The following TFAP2B variants were observed in gnomAD, a reference collection of about 807,000 sequenced individuals.
The protein encoded by TFAP2B is transcription factor AP-2 beta.
A neutral mutation model predicts 44.3 loss-of-function variants in TFAP2B; 9 were observed. The ratio of observed to expected loss-of-function variants is 0.20; its 90% CI spans 0.12 to 0.35. The LOEUF (loss-of-function observed/expected upper bound fraction) is 0.35. Ranked by LOEUF, TFAP2B falls within the 10% of genes least tolerant of loss-of-function variation. The pLI, the probability that TFAP2B is intolerant of heterozygous loss-of-function variation, is 1.00. For synonymous variants in TFAP2B, 270 were observed against 263.8 expected (o/e 1.02, Z -0.23); for missense variants, 509 against 600.0 (o/e 0.85, Z 1.59).
At chr6:50,834,744 A>T (rs1762585583) in intron 3 of TFAP2B, among the ~76,000 whole-genome samples, 1 of 152,204 alleles carries the variant, frequency 6.6e-6, no homozygotes, top group Non-Finnish European at 1.5e-5. Flanking sequence ...TTACAAAGTG[A>T]GATAGACTTT....
In TFAP2B at chr6:50,845,385, T is replaced by C. The variant is rs1254120698; in HGVS notation, c.*1993T>C. 6.6e-6 allele frequency: 1 copy of C among 152,030 alleles called. No individual in the cohort carries two copies. The highest frequency in any genetic ancestry group is 1.5e-5 in the Non-Finnish European group (1 of 68,028). 9.4% of individuals were successfully genotyped at this position (152,030 alleles called of 1,614,324 possible). A position where few individuals can be genotyped will look rare whatever the true frequency, so the allele number is the denominator to read the frequency against. On this transcript the variant is annotated 3_prime_UTR_variant, in exon 7 of 7. Coordinates refer to ENST00000393655, the MANE Select transcript of TFAP2B (RefSeq NM_003221.4). ...CTGCTGAGAGCTTTGCCCATTTTTATTAAAAGAGGAAAGGGAAGTTAGGAA... is the reference window on the plus strand; with the variant it reads ...CTGCTGAGAGCTTTGCCCATTTTTACTAAAAGAGGAAAGGGAAGTTAGGAA...
chr6:50,831,466 G>A (rs562812197), intron 3 of TFAP2B, among the ~76,000 whole-genome samples: 11 of 152,238 alleles, frequency 7.2e-5, no homozygotes, highest in African/African-American at 2.6e-4. Context: ...GTGGGCGGGG[G>A]GAGTAATGAA....
chr6:50,836,509 C>G (rs1484794660), intron 4 of TFAP2B, among the ~76,000 whole-genome samples: 1 of 152,172 alleles, frequency 6.6e-6, no homozygotes, highest in Admixed American at 6.5e-5. Flanking sequence ...CCAGGCCTGC[C>G]CGCGCCGCGC....
At chr6:50,842,944 G>T in intron 6 of TFAP2B, 148 bp from the exon 7 acceptor site, 1 of 1,128,884 alleles carries the variant, frequency 8.9e-7, no homozygotes, top group Non-Finnish European at 1.3e-6. Context: ...AAGGGAGGGC[G>T]CTGGGAAAGG....
At chr6:50,825,139 A>AT (rs1250531002) in intron 2 of TFAP2B, among the ~76,000 whole-genome samples, 2 of 152,126 alleles carry the variant, frequency 1.3e-5, no homozygotes, top group Admixed American at 6.5e-5. Context: ...TCAGTTATTT[A>AT]TTTTTTTAAA....
intron 5 of TFAP2B, among the ~76,000 whole-genome samples, chr6:50,838,336 G>C (rs547066926): frequency 6.6e-6 from 1 of 152,302 alleles, no homozygotes; most frequent in East Asian, 1.9e-4. Flanking sequence ...CTCAGGTCCA[G>C]CCTCCAAGAC....
Position 50,823,635 on chromosome 6 carries a change from C to T in TFAP2B, c.310C>T (p.His104Tyr). The T allele has an allele frequency of 6.2e-7, 1 of 1,614,144 alleles. No homozygotes were observed. Among genetic ancestry groups the T allele is most frequent in the Non-Finnish European group, 8.5e-7 (1 of 1,179,982 alleles). The part of the protein sequence containing the change: ...SLNPLHQPQQ[H>Y]PWGQRQRQEV... The stretch of plus-strand genomic sequence containing the variant: ...GAACCCACTGCACCAGCCCCAGCAA[C>T]ATCCCTGGGGGCAACGGCAGCGGCA... The change falls in exon 2 of 7, where the codon CAT (histidine) becomes TAT (tyrosine). Residue 104 changes from histidine (H) to tyrosine (Y), a missense_variant. Coordinates refer to ENST00000393655, the MANE Select transcript of TFAP2B (RefSeq NM_003221.4).
Position 50,818,920 on chromosome 6 carries a change from C to A in TFAP2B, c.29C>A (p.Ala10Asp), listed in dbSNP as rs147456896. Residue 10 changes from alanine (A) to aspartate (D), a missense_variant, in exon 1 of 7, where the codon GCC (alanine) becomes GAC (aspartate). This residue lies in a region of TFAP2B where 296 missense variants were observed against 308.2 expected (regional missense o/e 0.96). Transcript: ENST00000393655. Reference sequence around the variant, plus strand: ...CACTCACCTCCTAGAGACCAGGCTGCCATCATGCTCTGGAAGCTTGTGGAG... The same window carrying A: ...CACTCACCTCCTAGAGACCAGGCTGACATCATGCTCTGGAAGCTTGTGGAG... Reference protein sequence around the residue: MHSPPRDQAAIMLWKLVENV... With the variant: MHSPPRDQADIMLWKLVENV... The A allele has an allele frequency of 1.9e-6, 3 of 1,614,066 alleles. No individual in the cohort carries two copies. The highest frequency in any genetic ancestry group is 2.5e-6 in the Non-Finnish European group (3 of 1,180,002).
At chr6:50,824,298 C>G (rs1770443650) in intron 2 of TFAP2B, among the ~76,000 whole-genome samples, 1 of 152,166 alleles carries the variant, frequency 6.6e-6, no homozygotes, top group Non-Finnish European at 1.5e-5. Flanking sequence ...ACCTGGCTGC[C>G]TAGAGGCTAG....
chr6:50,841,966 G>T (rs1762742063), intron 6 of TFAP2B, among the ~76,000 whole-genome samples: 1 of 152,232 alleles, frequency 6.6e-6, no homozygotes, highest in Admixed American at 6.5e-5. Flanking sequence ...AGCACCCTAG[G>T]AAAGGATGCC....
chr6:50,826,513 T>C (rs919396617), intron 2 of TFAP2B, among the ~76,000 whole-genome samples: 3 of 152,036 alleles, frequency 2.0e-5, no homozygotes, highest in Non-Finnish European at 4.4e-5. Flanking sequence ...GCTATTAAAC[T>C]AGCAAATCGC....
intron 4 of TFAP2B, among the ~76,000 whole-genome samples, chr6:50,837,129 A>G (rs907958430): frequency 1.1e-4 from 16 of 152,190 alleles, no homozygotes; most frequent in Non-Finnish European, 2.1e-4. Context: ...TTCTTTCCTA[A>G]AAGTGACTGT....
Position 50,843,558 on chromosome 6 carries a change from A to G in TFAP2B, c.*166A>G. On this transcript the variant is annotated 3_prime_UTR_variant, in exon 7 of 7. Coordinates refer to ENST00000393655, the MANE Select transcript of TFAP2B (RefSeq NM_003221.4). ...AAAAAAGCTAAATAACTTAAAAAAA[A>G]ACTGAGGCGTACAACGGAGCAACAA... is the stretch of plus-strand genomic sequence containing the variant. 1.4e-5 allele frequency: 11 copies of G among 769,420 alleles called. No individual in the cohort carries two copies. The highest frequency in any genetic ancestry group is 2.2e-5 in the Non-Finnish European group (11 of 493,046). The allele number at this position is 769,420 out of a possible 1,614,324, so 47.7% of individuals were successfully genotyped here.
chr6:50,823,318 C>A, intron 1 of TFAP2B, 89 bp from the exon 2 acceptor site: 1 of 1,165,460 alleles, frequency 8.6e-7, no homozygotes, highest in Non-Finnish European at 1.3e-6. Context: ...TTTTTTCTTC[C>A]TCTCTGTACT....
chr6:50,836,415 G>A (rs768186711), intron 4 of TFAP2B, 135 bp downstream of exon 4: 1 of 833,554 alleles, frequency 1.2e-6, no homozygotes, highest in Non-Finnish European at 1.9e-6. Flanking sequence ...TAGCAACCGG[G>A]TGGCCGGAGC....
In TFAP2B at chr6:50,826,398, C is replaced by G. The variant is rs539431204; in HGVS notation, c.541-2221C>G. Among the ~76,000 whole-genome samples the G allele has an allele frequency of 7.2e-5, 11 of 152,286 alleles. No individual in the cohort carries two copies. The East Asian group carries it at 2.1e-3, about 29-fold the overall frequency. ...CCACACTCAGGGCCACAGCCCCCAC[C>G]ATGAGAGAAGAGAAAGAGGAGAGCT... On this transcript the variant is annotated intron_variant, in intron 2 of 6. Coordinates refer to ENST00000393655, the MANE Select transcript of TFAP2B (RefSeq NM_003221.4).
In TFAP2B at chr6:50,846,722, A is replaced by T. The variant is rs1762857287; in HGVS notation, c.*3330A>T. On this transcript the variant is annotated 3_prime_UTR_variant, in exon 7 of 7. Coordinates refer to ENST00000393655, the MANE Select transcript of TFAP2B (RefSeq NM_003221.4). ...TGGGTGAGGATTCCGTCACCTAAAA[A>T]GATCTTTAACTTCTCCCCCAAAGTG... 1 of 152,268 alleles carries T rather than the reference A, an allele frequency of 6.6e-6. No individual in the cohort carries two copies. Among genetic ancestry groups the T allele is most frequent in the African/African-American group, 2.4e-5 (1 of 41,446 alleles). 9.4% of individuals were successfully genotyped at this position (152,268 alleles called of 1,614,324 possible).
chr6:50,821,239 A>G (rs1770337298), intron 1 of TFAP2B, among the ~76,000 whole-genome samples: 1 of 152,224 alleles, frequency 6.6e-6, no homozygotes, highest in South Asian at 2.1e-4. Context: ...TGAGCACTAA[A>G]CAGGAAAAGG....
intron 3 of TFAP2B, among the ~76,000 whole-genome samples, chr6:50,832,984 A>G (rs1354421999): frequency 1.3e-5 from 2 of 152,216 alleles, no homozygotes; most frequent in Non-Finnish European, 2.9e-5. Context: ...TTACATCCAG[A>G]ACTTGGCCTT....
Sources: allele counts gnomAD v4.1 joint callset (sites outside exome capture counted in the v4.1 genomes callset), GRCh38; gene constraint gnomAD v4.1.1; regional missense constraint gnomAD v4.1.1; transcripts MANE v1.5; gene names NCBI Gene and HGNC (gene_info 2026-07-23, HGNC 2026-07-21).